The following CDH2 variants were observed in gnomAD, a reference collection of about 807,000 sequenced individuals.
CDH2 encodes the protein cadherin 2.
In CDH2, 17 loss-of-function variants were observed where a neutral mutation model predicts 92.0. The observed-to-expected ratio is 0.18, with a 90% CI of 0.13 to 0.28. The LOEUF is 0.28. CDH2 is among the 10% of genes least tolerant of loss of function. The pLI is 1.00. For missense variants in CDH2, 862 were observed against 1,133.1 expected, an observed-to-expected ratio of 0.76 and a Z score of 3.44; for synonymous variants, 419 against 415.9, an observed-to-expected ratio of 1.01 and a Z score of -0.09.
chr18:28,024,188 A>G (rs968674183), intron 2 of CDH2, among the ~76,000 whole-genome samples: 1 of 152,164 alleles, frequency 6.6e-6, no homozygotes, highest in African/African-American at 2.4e-5. Context: ...ATGCAAATGA[A>G]ATGTTTACTC....
chr18:28,140,507 T>C (rs2015934990), intron 2 of CDH2, among the ~76,000 whole-genome samples: 1 of 151,944 alleles, frequency 6.6e-6, no homozygotes, highest in Non-Finnish European at 1.5e-5. Context: ...TGAATGAGAT[T>C]AGTGCCCTTA....
At chr18:28,077,074 G>A (rs993166684) in intron 2 of CDH2, among the ~76,000 whole-genome samples, 1 of 152,050 alleles carries the variant, frequency 6.6e-6, no homozygotes, top group Admixed American at 6.5e-5. Flanking sequence ...AAGGAAAAGT[G>A]GGTACTAAAC....
intron 2 of CDH2, among the ~76,000 whole-genome samples, chr18:28,083,214 G>A (rs1453420780): frequency 1.3e-5 from 2 of 152,072 alleles, no homozygotes; most frequent in Non-Finnish European, 2.9e-5. Context: ...GACCAAGATT[G>A]CAGTAGTGCC....
chr18:27,980,948 G>C (rs1489366261), intron 14 of CDH2, among the ~76,000 whole-genome samples: 1 of 152,112 alleles, frequency 6.6e-6, no homozygotes, highest in Non-Finnish European at 1.5e-5. Flanking sequence ...AGTGGATAAA[G>C]TCAACAAATA....
In CDH2 at chr18:28,007,166, ATATATATATATAT is replaced by A. The variant is rs2012955317; in HGVS notation, c.703-1186_703-1174del. On this transcript the variant is annotated intron_variant, in intron 5 of 15. Coordinates refer to ENST00000269141, the MANE Select transcript of CDH2 (RefSeq NM_001792.5). Reference sequence around the variant, plus strand: ...CAGAGTGAGACTCCATAAAAAAAAAATATATATATATATATATATATATATATACGAGTATATA... The same window carrying A: ...CAGAGTGAGACTCCATAAAAAAAAAAATATATATATATATACGAGTATATA... 1.1e-4 allele frequency among the ~76,000 whole-genome samples: 9 copies of A among 80,760 alleles called. No individual in the cohort carries two copies. The South Asian group carries it at 3.9e-3, about 35-fold the overall frequency. 53.0% of individuals were successfully genotyped at this position (80,760 alleles called of 152,430 possible).
chr18:27,938,979 T>A lies in CDH2; in HGVS notation c.1152-5855A>T, dbSNP rs1439126834. On this transcript the variant is annotated intron_variant, in intron 6 of 6. Coordinates refer to the CDH2 transcript ENST00000675173. The stretch of plus-strand genomic sequence containing the variant: ...AATGCTATCACATTTTAAAAATATA[T>A]CCCTAGAAGTTTATACAAAGTACCT... Among the ~76,000 whole-genome samples the A allele has an allele frequency of 2.0e-5, 3 of 152,198 alleles. No individual in the cohort carries two copies. In the East Asian group the frequency reaches 5.8e-4, roughly 29 times the overall value.
intron 13 of CDH2, among the ~76,000 whole-genome samples, chr18:27,984,086 CA>C (rs1179961361): frequency 6.6e-6 from 1 of 152,152 alleles, no homozygotes; most frequent in Non-Finnish European, 1.5e-5. Context: ...ATGCAGGTTT[CA>C]AATTATAGCC....
intron 2 of CDH2, among the ~76,000 whole-genome samples, chr18:28,049,390 A>G (rs547783585): frequency 2.6e-5 from 4 of 152,306 alleles, no homozygotes; most frequent in African/African-American, 7.2e-5. Flanking sequence ...CTGAAACACT[A>G]CCTTCTGCGA....
Position 28,147,914 on chromosome 18 carries a change from GC to G in CDH2, c.61-131del, listed in dbSNP as rs2016063374. 3 of 603,218 alleles carry G rather than the reference GC, an allele frequency of 5.0e-6. No homozygotes were observed. In the Admixed American group the frequency reaches 9.1e-5, roughly 18 times the overall value. 37.4% of individuals were successfully genotyped at this position (603,218 alleles called of 1,614,324 possible). Reference sequence around the variant, plus strand: ...ACAAACAACCCCTTTGTTTCCAAGTGCTTACAATTAGAATGTAGAGGGCAAA... The same window carrying G: ...ACAAACAACCCCTTTGTTTCCAAGTGTTACAATTAGAATGTAGAGGGCAAA... On this transcript the variant is annotated intron_variant, in intron 1 of 15. Coordinates refer to ENST00000269141, the MANE Select transcript of CDH2 (RefSeq NM_001792.5).
chr18:28,051,815 C>T (rs565509), intron 2 of CDH2, among the ~76,000 whole-genome samples: 81,015 of 151,864 alleles, frequency 0.53, 22,262 homozygotes, highest in African/African-American at 0.67. Context: ...GAAATCACTA[C>T]GTAATAATGA....
intron 1 of CDH2, among the ~76,000 whole-genome samples, chr18:28,163,835 T>A (rs796228421): frequency 3.3e-5 from 5 of 152,312 alleles, no homozygotes; most frequent in African/African-American, 1.2e-4. Context: ...AATGTCTATA[T>A]AGATGATAAA....
At chr18:28,106,394 GT>G (rs2015321872) in intron 2 of CDH2, among the ~76,000 whole-genome samples, 1 of 151,728 alleles carries the variant, frequency 6.6e-6, no homozygotes, top group African/African-American at 2.4e-5. Flanking sequence ...TCCAGTCTGG[GT>G]GCCAGAGTGA....
At position 27,985,638 on chromosome 18, in the gene CDH2, T is replaced by C. The variant is rs1260513378; in HGVS notation, c.1865A>G (p.Asn622Ser). 2 of 1,613,950 alleles carry C rather than the reference T, an allele frequency of 1.2e-6. No individual in the cohort carries two copies. Among genetic ancestry groups the C allele is most frequent in the Non-Finnish European group, 1.7e-6 (2 of 1,179,806 alleles). ...AATGTCATAATCAAGTGCTGTAATATTAATTGAATTGGGGTCTGGAGTTTC... is the reference window on the plus strand; with the variant it reads ...AATGTCATAATCAAGTGCTGTAATACTAATTGAATTGGGGTCTGGAGTTTC... ...TCETPDPNSI[N>S]ITALDYDIDP... The change falls in exon 12 of 16, where the codon AAT becomes AGT. Residue 622 changes from asparagine to serine, a missense_variant. Asn to Ser is a conservative substitution (Grantham distance 46, BLOSUM62 1). Transcript: ENST00000269141.
At chr18:28,159,533 T>G (rs1447691040) in intron 1 of CDH2, among the ~76,000 whole-genome samples, 1 of 152,078 alleles carries the variant, frequency 6.6e-6, no homozygotes, top group Non-Finnish European at 1.5e-5. Context: ...CAGCACTTGG[T>G]GAACTATCTG....
chr18:28,138,219 G>A (rs2015896649), intron 2 of CDH2, among the ~76,000 whole-genome samples: 1 of 151,868 alleles, frequency 6.6e-6, no homozygotes. Context: ...TAACGTTGAA[G>A]CTAGGACCTT....
chr18:28,124,094 T>C (rs750124880), intron 2 of CDH2, among the ~76,000 whole-genome samples: 4 of 152,124 alleles, frequency 2.6e-5, no homozygotes, highest in Non-Finnish European at 5.9e-5. Flanking sequence ...AGTTGTTTCC[T>C]TCAAACCCCG....
Position 27,952,439 on chromosome 18 carries a change from T to G in CDH2, c.2515-80A>C, listed in dbSNP as rs1909507394. The G allele has an allele frequency of 1.0e-5, 11 of 1,074,760 alleles. No homozygotes were observed. In the South Asian group the frequency reaches 1.3e-4, roughly 13 times the overall value. 66.6% of individuals were successfully genotyped at this position (1,074,760 alleles called of 1,614,324 possible). A position where few individuals can be genotyped will look rare whatever the true frequency, so the allele number is the denominator to read the frequency against. On this transcript the variant is annotated intron_variant, in intron 15 of 15. Coordinates refer to ENST00000269141, the MANE Select transcript of CDH2 (RefSeq NM_001792.5). ...AAACCACAAGCAGATCCTAATGAAT[T>G]CACGGGATCAAACAAACACTTGTTT...
At chr18:27,969,402 T>C (rs1007222114) in intron 14 of CDH2, among the ~76,000 whole-genome samples, 3 of 152,226 alleles carry the variant, frequency 2.0e-5, no homozygotes, top group African/African-American at 7.2e-5. Context: ...AATGCTGACA[T>C]GTCAGTTTCC....
intron 1 of CDH2, among the ~76,000 whole-genome samples, chr18:28,171,155 G>A (rs886534022): frequency 6.6e-5 from 10 of 151,662 alleles, no homozygotes; most frequent in Admixed American, 2.0e-4. Flanking sequence ...CCTTGAGCCC[G>A]GGAGACGGAG....
Sources: allele counts gnomAD v4.1 joint callset (sites outside exome capture counted in the v4.1 genomes callset), GRCh38; gene constraint gnomAD v4.1.1; transcripts MANE v1.5; gene names NCBI Gene and HGNC (gene_info 2026-07-23, HGNC 2026-07-21).